SYT1: variants seen among roughly 807,000 people sequenced by gnomAD.
SYT1 encodes the protein synaptotagmin 1.
Under a neutral mutation model 44.8 loss-of-function variants are expected in SYT1, and 8 were observed. The observed-to-expected ratio is 0.18, with a 90% CI of 0.10 to 0.32. The LOEUF (loss-of-function observed/expected upper bound fraction) is 0.32. SYT1 is among the 10% of genes least tolerant of loss of function. SYT1 has a pLI of 1.00. For synonymous variants in SYT1, 154 were observed against 188.8 expected (o/e 0.82, Z 1.51); for missense variants, 286 against 509.3 (o/e 0.56, Z 4.22).
rs566175647 is a variant in SYT1 at position 78,894,330 on chromosome 12, G to GTTTTTTTTTTTTTTTTTTTTTTT, written c.-217+29234_-217+29256dup. Among the ~76,000 whole-genome samples the GTTTTTTTTTTTTTTTTTTTTTTT allele has an allele frequency of 2.2e-4, 6 of 27,710 alleles. 1 individual carries two copies. The highest frequency in any genetic ancestry group is 2.6e-4 in the Non-Finnish European group (4 of 15,136). 18.2% of individuals were successfully genotyped at this position (27,710 alleles called of 152,430 possible). ...AATTTATGATTGTGTTTTTTAATCT[G>GTTTTTTTTTTTTTTTTTTTTTTT]TTTTTTTTTTTTTTTTTTTTTTTTT... is the stretch of plus-strand genomic sequence containing the variant. On this transcript the variant is annotated intron_variant, in intron 1 of 10. Transcript: ENST00000261205.
intron 9 of SYT1, among the ~76,000 whole-genome samples, chr12:79,407,259 A>C (rs929403404): frequency 6.6e-6 from 1 of 152,124 alleles, no homozygotes; most frequent in Non-Finnish European, 1.5e-5. Flanking sequence ...ATTTGAGTGA[A>C]ACAAACTTAA....
chr12:79,255,473 A>G (rs1475496259), intron 4 of SYT1, among the ~76,000 whole-genome samples: 2 of 152,214 alleles, frequency 1.3e-5, no homozygotes, highest in Non-Finnish European at 2.9e-5. Flanking sequence ...CTTTATTGCA[A>G]TATTCATTTT....
At chr12:79,222,877 T>C (rs1465044481) in intron 4 of SYT1, among the ~76,000 whole-genome samples, 1 of 152,242 alleles carries the variant, frequency 6.6e-6, no homozygotes, top group Non-Finnish European at 1.5e-5. Context: ...TGACCAGTTC[T>C]GCTGTTAATA....
chr12:79,268,154 C>G (rs1014698368), intron 4 of SYT1, among the ~76,000 whole-genome samples: 1 of 152,138 alleles, frequency 6.6e-6, no homozygotes, highest in South Asian at 2.1e-4. Flanking sequence ...AAAAATTTAT[C>G]GAAGCATAGA....
chr12:79,424,515 A>G (rs370342967), intron 9 of SYT1, among the ~76,000 whole-genome samples: 8 of 152,266 alleles, frequency 5.3e-5, no homozygotes, highest in Admixed American at 3.9e-4. Context: ...TCCTCTTCCT[A>G]CAATTTGAAA....
intron 3 of SYT1, among the ~76,000 whole-genome samples, chr12:79,179,387 G>T (rs200875821): frequency 0.014 from 51 of 3,566 alleles, 3 homozygotes; most frequent in African/African-American, 0.042. Flanking sequence ...TAGATATATC[G>T]ATATAGATAT....
At chr12:78,935,825 T>C (rs1477868154) in intron 1 of SYT1, among the ~76,000 whole-genome samples, 1 of 152,022 alleles carries the variant, frequency 6.6e-6, no homozygotes, top group Admixed American at 6.6e-5. Flanking sequence ...ATATAAAAAC[T>C]AAAAAATTTG....
intron 1 of SYT1, among the ~76,000 whole-genome samples, chr12:78,910,066 C>T (rs1876230718): frequency 6.6e-6 from 1 of 151,900 alleles, no homozygotes; most frequent in African/African-American, 2.4e-5. Flanking sequence ...CATGTACATC[C>T]AAGAATCACT....
At chr12:79,338,697 T>G (rs949734026) in intron 8 of SYT1, among the ~76,000 whole-genome samples, 6 of 147,244 alleles carry the variant, frequency 4.1e-5, no homozygotes, top group African/African-American at 1.5e-4. Flanking sequence ...ATACTTTAAG[T>G]TCTAGGGTAC....
At chr12:79,392,324 T>C (rs1336142047) in intron 9 of SYT1, 1 of 152,198 alleles carries the variant, frequency 6.6e-6, no homozygotes, top group African/African-American at 2.4e-5. Flanking sequence ...TGTGAAAAAC[T>C]ACATGTCATA....
intron 1 of SYT1, among the ~76,000 whole-genome samples, chr12:78,975,814 G>A (rs1868786349): frequency 6.6e-6 from 1 of 152,134 alleles, no homozygotes; most frequent in Non-Finnish European, 1.5e-5. Context: ...TTGTAGCCAT[G>A]GGAGAAAGGT....
At chr12:79,099,075 T>C (rs1249791256) in intron 3 of SYT1, among the ~76,000 whole-genome samples, 2 of 152,294 alleles carry the variant, frequency 1.3e-5, no homozygotes, top group South Asian at 4.1e-4. Context: ...GTTACCTTAG[T>C]GCTATCCTTA....
rs1200356838 is a variant in SYT1, at chr12:79,064,952, G to GAA, written c.-18+17592_-18+17593dup. On this transcript the variant is annotated intron_variant, in intron 3 of 10. Transcript: ENST00000261205. Reference sequence around the variant, plus strand: ...AGAAAGAAAGAAAGAAAGAAAGAAAGAAAGAAAGAAAGAAAGAAAGAAAGA... The same window carrying GAA: ...AGAAAGAAAGAAAGAAAGAAAGAAAGAAAAAGAAAGAAAGAAAGAAAGAAAGA... Among the ~76,000 whole-genome samples the GAA allele has an allele frequency of 2.7e-5, 4 of 146,076 alleles. No homozygotes were observed. In the East Asian group the frequency reaches 6.1e-4, roughly 22 times the overall value.
chr12:79,179,633 T>C (rs1184121882), intron 3 of SYT1, among the ~76,000 whole-genome samples: 1 of 151,338 alleles, frequency 6.6e-6, no homozygotes, highest in South Asian at 2.1e-4. Context: ...TGGGTCAGGC[T>C]GGTCTCAAAC....
At chr12:78,989,871 C>G (rs987924262) in intron 2 of SYT1, among the ~76,000 whole-genome samples, 1 of 151,990 alleles carries the variant, frequency 6.6e-6, no homozygotes, top group African/African-American at 2.4e-5. Flanking sequence ...AAAATCAGGA[C>G]CAGATGATGT....
chr12:79,034,160 A>G (rs545012816), intron 2 of SYT1, among the ~76,000 whole-genome samples: 1 of 151,634 alleles, frequency 6.6e-6, no homozygotes, highest in African/African-American at 2.4e-5. Flanking sequence ...AGGAAAACTG[A>G]TCAATTTAAA....
chr12:79,011,090 AG>A (rs1339397136), intron 2 of SYT1, among the ~76,000 whole-genome samples: 3 of 152,238 alleles, frequency 2.0e-5, no homozygotes. Flanking sequence ...AATGGCTAAA[AG>A]GTTGCATTAG....
intron 9 of SYT1, among the ~76,000 whole-genome samples, chr12:79,399,023 T>C (rs1884975481): frequency 6.6e-6 from 1 of 152,188 alleles, no homozygotes; most frequent in Non-Finnish European, 1.5e-5. Context: ...AAGTCTTCTA[T>C]ATTTCTGTCT....
intron 1 of SYT1, among the ~76,000 whole-genome samples, chr12:78,976,172 C>T (rs1331675246): frequency 6.6e-6 from 1 of 152,128 alleles, no homozygotes; most frequent in Non-Finnish European, 1.5e-5. Context: ...ATATATGTCG[C>T]CCTAACTTCT....
Sources: allele counts gnomAD v4.1 joint callset (sites outside exome capture counted in the v4.1 genomes callset), GRCh38; gene constraint gnomAD v4.1.1; transcripts MANE v1.5; gene names NCBI Gene and HGNC (gene_info 2026-07-23, HGNC 2026-07-21).